Variants in ADGRV1 observed in about 807,000 individuals in gnomAD.
The protein encoded by ADGRV1 is G-protein coupled receptor 98.
ADGRV1 carries 359 observed loss-of-function variants against 596.2 expected under a neutral mutation model. The observed-to-expected ratio is 0.60, with a 90% CI of 0.55 to 0.66. The LOEUF (loss-of-function observed/expected upper bound fraction) is 0.66. Among genes scored for constraint, ADGRV1 ranks in the 30% least tolerant of loss-of-function variants. The probability of loss-of-function intolerance (pLI) is 0.00; values close to 1 mark genes in which losing one functional copy is unlikely to be tolerated. For missense variants in ADGRV1, 7,274 were observed against 7,575.6 expected, an observed-to-expected ratio of 0.96 and a Z score of 1.48; for synonymous variants, 2,681 against 2,679.2, an observed-to-expected ratio of 1.00 and a Z score of -0.02.
At chr5:90,577,431 G>A (rs1580327086) in intron 1 of ADGRV1, among the ~76,000 whole-genome samples, 1 of 152,130 alleles carries the variant, frequency 6.6e-6, no homozygotes, top group Admixed American at 6.5e-5. Context: ...GGTTGCAGAT[G>A]TGTGGTGTTA....
chr5:90,985,392 AGGCG>A lies in ADGRV1; in HGVS notation c.18023_18026del (p.Arg6008AsnfsTer8), dbSNP rs2151049015. 6.2e-7 allele frequency: 1 copy of A among 1,613,652 alleles called. No individual in the cohort carries two copies. Among genetic ancestry groups the A allele is most frequent in the African/African-American group, 1.3e-5 (1 of 75,040 alleles). ...GGTGATGAATGATGAGCACACAGAG[AGGCG>A]ATATCTGCTGTTTTTCCTTCTGAGT... On this transcript the variant is annotated frameshift_variant, in exon 85 of 90. Coordinates refer to ENST00000405460, the MANE Select transcript of ADGRV1 (RefSeq NM_032119.4). LOFTEE classifies it high-confidence loss of function.
chr5:90,829,036 A>G lies in ADGRV1; in HGVS notation c.16461A>G (p.Lys5487=), dbSNP rs763125302. ...INNSARFAQI[K]ILESDESQSL... ...ACAGTGCCAGATTCGCACAGATTAA[A>G]ATCTTAGAAAGTGATGAATCTCAAA... Residue 5487 remains lysine, a synonymous_variant, in exon 77 of 90, where the codon AAA becomes AAG. Transcript: ENST00000405460. 4 of 1,612,714 alleles carry G rather than the reference A, an allele frequency of 2.5e-6. No individual in the cohort carries two copies. In the Admixed American group the frequency reaches 5.0e-5, roughly 20 times the overall value.
intron 85 of ADGRV1, among the ~76,000 whole-genome samples, chr5:91,046,194 G>T (rs1038885403): frequency 6.6e-6 from 1 of 151,976 alleles, no homozygotes; most frequent in Non-Finnish European, 1.5e-5. Context: ...AATCAAAAAA[G>T]AGCCTGCAGA....
At chr5:90,897,289 CAT>C (rs1447953425) in intron 83 of ADGRV1, among the ~76,000 whole-genome samples, 1 of 152,074 alleles carries the variant, frequency 6.6e-6, no homozygotes, top group African/African-American at 2.4e-5. Flanking sequence ...GATAATGATT[CAT>C]AGTTAATATT....
Position 91,015,766 on chromosome 5 carries a change from A to G in ADGRV1, c.18152+30244A>G, listed in dbSNP as rs77787540. Among the ~76,000 whole-genome samples the G allele has an allele frequency of 4.5e-3, 677 of 151,986 alleles. 5 individuals carry two copies. Among genetic ancestry groups the G allele is most frequent in the African/African-American group, 0.016 (647 of 41,480 alleles). ...TCTTCCATCTCTCTATTTTGAGCCA[A>G]TGGGTGTCATTATGTGTGAGATGAC... is the stretch of plus-strand genomic sequence containing the variant. On this transcript the variant is annotated intron_variant, in intron 85 of 89. Coordinates refer to ENST00000405460, the MANE Select transcript of ADGRV1 (RefSeq NM_032119.4).
At position 90,724,917 on chromosome 5, in the gene ADGRV1, A is replaced by C. The variant is rs755172664; in HGVS notation, c.9834A>C (p.Leu3278Phe). The change falls in exon 46 of 90, where the codon TTA becomes TTC. Residue 3278 changes from leucine (L) to phenylalanine (F), a missense_variant. Physicochemically the swap from Leu to Phe is conservative, Grantham distance 22. Transcript: ENST00000405460. ...GGTGTTTCTTTACTTTGGAAAATTT[A>C]ATATATGGTATAATGTTAAGAAAAT... ...SGWCFFTLENLIYGIMLRKSS... is the reference protein window; with the variant it reads ...SGWCFFTLENFIYGIMLRKSS... 3 of 1,611,284 alleles carry C rather than the reference A, an allele frequency of 1.9e-6. 1 individual carries two copies. The South Asian group carries it at 3.3e-5, about 18-fold the overall frequency.
At chr5:90,812,418 A>G (rs1762523533) in intron 74 of ADGRV1, among the ~76,000 whole-genome samples, 1 of 152,228 alleles carries the variant, frequency 6.6e-6, no homozygotes, top group Non-Finnish European at 1.5e-5. Context: ...GCAGTGTAGA[A>G]TAATTTAATC....
chr5:90,809,607 T>A (rs1291426753), intron 73 of ADGRV1, among the ~76,000 whole-genome samples: 1 of 152,054 alleles, frequency 6.6e-6, no homozygotes, highest in Non-Finnish European at 1.5e-5. Flanking sequence ...AACCAAAAAC[T>A]TGTTAGCAAA....
At chr5:90,897,853 G>A (rs148847956) in intron 83 of ADGRV1, among the ~76,000 whole-genome samples, 466 of 152,228 alleles carry the variant, frequency 3.1e-3, no homozygotes, top group African/African-American at 0.011. Flanking sequence ...CATAGGAGAG[G>A]GAATTGCAGA....
chr5:90,701,445 C>A (rs1747895418), intron 34 of ADGRV1, among the ~76,000 whole-genome samples: 1 of 151,948 alleles, frequency 6.6e-6, no homozygotes, highest in Non-Finnish European at 1.5e-5. Flanking sequence ...ATAAATACCT[C>A]CCTTTTGATT....
Position 91,153,273 on chromosome 5 carries a change from C to T in ADGRV1, c.18677C>T (p.Pro6226Leu). 1 of 1,609,404 alleles carries T rather than the reference C, an allele frequency of 6.2e-7. No individual in the cohort carries two copies. The highest frequency in any genetic ancestry group is 8.5e-7 in the Non-Finnish European group (1 of 1,177,888). Reference sequence around the variant, plus strand: ...TTCCAACAGGGCAGTCAGGCCAGCCCTGATTTAAAGCCAAGTCCACAAAAT... The same window carrying T: ...TTCCAACAGGGCAGTCAGGCCAGCCTTGATTTAAAGCCAAGTCCACAAAAT... ...ASFQQGSQASPDLKPSPQNGA... is the reference protein window; with the variant it reads ...ASFQQGSQASLDLKPSPQNGA... Residue 6226 changes from proline to leucine, a missense_variant, in exon 89 of 90, where the codon CCT (proline) becomes CTT (leucine). Pro to Leu is a moderately conservative substitution (Grantham distance 98). This residue lies in a region of ADGRV1 where 1,874 missense variants were observed against 1,970.2 expected (regional missense o/e 0.95). Coordinates refer to ENST00000405460, the MANE Select transcript of ADGRV1 (RefSeq NM_032119.4).
Position 90,694,491 on chromosome 5 carries a change from G to C in ADGRV1, c.7735G>C (p.Val2579Leu), listed in dbSNP as rs755818826. 1 of 1,613,936 alleles carries C rather than the reference G, an allele frequency of 6.2e-7. No individual in the cohort carries two copies. The change falls in exon 33 of 90, where the codon GTG (valine) becomes CTG (leucine). Residue 2579 changes from valine to leucine, a missense_variant. Physicochemically the swap from Val to Leu is conservative, Grantham distance 32 (BLOSUM62 1). This residue lies in a region of ADGRV1 where 3,643 missense variants were observed against 3,809.2 expected (regional missense o/e 0.96). Transcript: ENST00000405460. ...AGCACTAAATGGTGATGCCTTTGGA[G>C]TGTTTGTGATCTACAATATTAGTCC... Reference protein sequence around the residue: ...VIALNGDAFGVFVIYNISPNT... With the variant: ...VIALNGDAFGLFVIYNISPNT...
intron 89 of ADGRV1, among the ~76,000 whole-genome samples, chr5:91,159,148 A>C (rs1582260820): frequency 6.6e-6 from 1 of 152,206 alleles, no homozygotes; most frequent in East Asian, 1.9e-4. Context: ...AACACTCTTT[A>C]GCTAAGACAT....
At chr5:90,883,623 T>C (rs1165799790) in intron 83 of ADGRV1, among the ~76,000 whole-genome samples, 1 of 152,144 alleles carries the variant, frequency 6.6e-6, no homozygotes, top group Non-Finnish European at 1.5e-5. Flanking sequence ...GTGCAGACTA[T>C]TCCTCCTTCT....
intron 1 of ADGRV1, among the ~76,000 whole-genome samples, chr5:90,601,282 C>A (rs1004664412): frequency 6.6e-6 from 1 of 151,490 alleles, no homozygotes; most frequent in African/African-American, 2.4e-5. Flanking sequence ...TGTAAATAAG[C>A]CTTGTGTTAA....
intron 21 of ADGRV1, among the ~76,000 whole-genome samples, chr5:90,669,460 G>A (rs1441971166): frequency 6.6e-6 from 1 of 152,040 alleles, no homozygotes; most frequent in Non-Finnish European, 1.5e-5. Flanking sequence ...TCAAGGACTT[G>A]GTCGTTGACA....
chr5:91,133,742 G>A (rs769744298), intron 87 of ADGRV1, among the ~76,000 whole-genome samples: 67 of 152,042 alleles, frequency 4.4e-4, no homozygotes, highest in African/African-American at 1.3e-3. Context: ...AAACTTTTGC[G>A]AATCCCACTA....
At chr5:90,763,206 A>C in intron 58 of ADGRV1, 99 bp from the exon 59 acceptor site, 1 of 1,051,588 alleles carries the variant, frequency 9.5e-7, no homozygotes, top group Non-Finnish European at 1.3e-6. Context: ...TCTAAATTAT[A>C]AAACTGCAGT....
At chr5:90,860,375 A>C (rs910426782) in intron 82 of ADGRV1, among the ~76,000 whole-genome samples, 2 of 151,660 alleles carry the variant, frequency 1.3e-5, no homozygotes, top group Admixed American at 6.6e-5. Flanking sequence ...ATCTCAGTTC[A>C]TTGTAACCTC....
Sources: gnomAD v4.1 joint callset for allele counts (sites outside exome capture counted in the v4.1 genomes callset) on GRCh38, gnomAD v4.1.1 for gene constraint, gnomAD v4.1.1 regional missense constraint, MANE v1.5 for transcripts, NCBI Gene and HGNC (gene_info 2026-07-23, HGNC 2026-07-21) for gene names.